The following PRKN variants were observed in gnomAD, a reference collection of about 807,000 sequenced individuals.
PRKN encodes parkin RBR E3 ubiquitin protein ligase, also known as E3 ubiquitin-protein ligase parkin.
In PRKN, 56 loss-of-function variants were observed where a neutral mutation model predicts 59.5. The ratio of observed to expected loss-of-function variants is 0.94; its 90% confidence interval spans 0.76 to 1.18. The LOEUF (loss-of-function observed/expected upper bound fraction) is 1.18, where lower values mean the gene tolerates loss of function less well. Ranked by LOEUF, PRKN falls within the 50% of genes most tolerant of loss-of-function variation. The pLI, the probability that PRKN is intolerant of heterozygous loss-of-function variation, is 0.00. For synonymous variants in PRKN, 250 were observed against 222.1 expected (o/e 1.13, Z -1.12); for missense variants, 657 against 596.4 (o/e 1.10, Z -1.06).
chr6:161,938,232 C>T (rs981067373), intron 6 of PRKN, among the ~76,000 whole-genome samples: 1 of 152,094 alleles, frequency 6.6e-6, no homozygotes, highest in African/African-American at 2.4e-5. Context: ...CAGGCTCCAG[C>T]GATACAGATG....
At chr6:161,940,744 G>A (rs576621132) in intron 6 of PRKN, among the ~76,000 whole-genome samples, 2 of 152,320 alleles carry the variant, frequency 1.3e-5, no homozygotes, top group East Asian at 1.9e-4. Context: ...AAATCAGAAT[G>A]TCTATGTGGC....
chr6:161,795,951 A>C (rs887523819), intron 6 of PRKN, among the ~76,000 whole-genome samples: 1 of 152,208 alleles, frequency 6.6e-6, no homozygotes, highest in African/African-American at 2.4e-5. Flanking sequence ...TTAAAGTCCC[A>C]AATTCTTCCA....
chr6:162,469,625 A>G (rs1397633364), intron 1 of PRKN, among the ~76,000 whole-genome samples: 2 of 152,148 alleles, frequency 1.3e-5, no homozygotes, highest in East Asian at 3.9e-4. Flanking sequence ...GAAGTAACTC[A>G]GGAATGGCAA....
rs188265455 is a variant in PRKN at position 161,376,369 on chromosome 6, C to T, written c.1167+10425G>A. 1.8e-4 allele frequency among the ~76,000 whole-genome samples: 27 copies of T among 152,328 alleles called. No homozygotes were observed. In the East Asian group the frequency reaches 4.2e-3, roughly 24 times the overall value. ...GATGTCCACAATGAATGTGTGTCTC[C>T]CCGAACAACCTGCTTTTGTTTCTGT... On this transcript the variant is annotated intron_variant, in intron 10 of 11. Coordinates refer to ENST00000366898, the MANE Select transcript of PRKN (RefSeq NM_004562.3). This position sits in a 1 kb window ranked among gnomAD's most constrained non-coding sequence, Gnocchi z 7.3.
At chr6:162,323,853 T>C (rs915757773) in intron 2 of PRKN, among the ~76,000 whole-genome samples, 2 of 152,164 alleles carry the variant, frequency 1.3e-5, no homozygotes. Context: ...ATTTTTACAA[T>C]TGAGACATAA....
Position 161,448,873 on chromosome 6 carries a change from C to T in PRKN, c.1084-61996G>A, listed in dbSNP as rs151184814. Among the ~76,000 whole-genome samples the T allele has an allele frequency of 3.1e-3, 472 of 152,242 alleles. 3 individuals carry two copies. The highest frequency in any genetic ancestry group is 5.4e-3 in the Non-Finnish European group (370 of 68,020). ...TGGCACTATTATTTTAAAATAAAAGCGTTCAAGGTAGAGGATGACTTTGGG... is the reference window on the plus strand; with the variant it reads ...TGGCACTATTATTTTAAAATAAAAGTGTTCAAGGTAGAGGATGACTTTGGG... On this transcript the variant is annotated intron_variant, in intron 9 of 11. Transcript: ENST00000366898. This position sits in a 1 kb window ranked among gnomAD's most constrained non-coding sequence, Gnocchi z 5.1.
rs539493883 is a variant in PRKN, at chr6:162,330,278, G to A, written c.172-67513C>T. Among the ~76,000 whole-genome samples, 9 of 152,128 alleles carry A rather than the reference G, an allele frequency of 5.9e-5. No homozygotes were observed. The South Asian group carries it at 1.9e-3, about 32-fold the overall frequency. On this transcript the variant is annotated intron_variant, in intron 2 of 11. Coordinates refer to ENST00000366898, the MANE Select transcript of PRKN (RefSeq NM_004562.3). ...TGCATTTTTTCTTGGTGCTGTCTTG[G>A]GAAGCGGCATAGTATGGTGGTATCT...
chr6:161,773,146 G>T (rs1789766039), intron 7 of PRKN, among the ~76,000 whole-genome samples: 1 of 152,172 alleles, frequency 6.6e-6, no homozygotes, highest in Admixed American at 6.5e-5. Context: ...CACATTGTGT[G>T]ATCCAGGTGG....
chr6:162,030,835 C>T (rs184725377), intron 5 of PRKN, among the ~76,000 whole-genome samples: 2 of 152,294 alleles, frequency 1.3e-5, no homozygotes, highest in Non-Finnish European at 2.9e-5. Flanking sequence ...ATTAACGAAA[C>T]ATCTCTATCA....
At chr6:161,779,444 T>TTTTTTTC (rs1790106894) in intron 7 of PRKN, among the ~76,000 whole-genome samples, 1 of 82,394 alleles carries the variant, frequency 1.2e-5, no homozygotes, top group Admixed American at 1.3e-4. Flanking sequence ...TCTTTTCTTT[T>TTTTTTTC]TTTTTTTTTT....
chr6:161,828,269 C>G lies in PRKN; in HGVS notation c.735-42361G>C, dbSNP rs117900828. Among the ~76,000 whole-genome samples, 1,319 of 152,310 alleles carry G rather than the reference C, an allele frequency of 8.7e-3. 11 individuals are homozygous for G. The highest frequency in any genetic ancestry group is 0.012 in the Non-Finnish European group (820 of 68,028). On this transcript the variant is annotated intron_variant, in intron 6 of 11. Coordinates refer to ENST00000366898, the MANE Select transcript of PRKN (RefSeq NM_004562.3). ...TAAAGCCTTACCAGTAACTATTTAG[C>G]TTAATAATTTCTTGTTTTTCTGGCA... is the stretch of plus-strand genomic sequence containing the variant.
At position 161,414,286 on chromosome 6, in the gene PRKN, G is replaced by C. The variant is rs62435936; in HGVS notation, c.1084-27409C>G. 0.082 allele frequency among the ~76,000 whole-genome samples: 12,537 copies of C among 152,156 alleles called. 595 individuals are homozygous for C. Among genetic ancestry groups the C allele is most frequent in the Admixed American group, 0.13 (1,940 of 15,288 alleles). On this transcript the variant is annotated intron_variant, in intron 9 of 11. Coordinates refer to ENST00000366898, the MANE Select transcript of PRKN (RefSeq NM_004562.3). The surrounding 1 kb of genome is among the most constrained non-coding windows in gnomAD (Gnocchi z 5.3). ...TCCGGAAGGCTGGAGGGTGTTCAGCGTTGTTTGTCACAGGCAGCGGCCAGT... is the reference window on the plus strand; with the variant it reads ...TCCGGAAGGCTGGAGGGTGTTCAGCCTTGTTTGTCACAGGCAGCGGCCAGT...
intron 6 of PRKN, among the ~76,000 whole-genome samples, chr6:161,926,675 C>T (rs1778981129): frequency 6.6e-6 from 1 of 152,142 alleles, no homozygotes; most frequent in Admixed American, 6.6e-5. Flanking sequence ...AATATATAAT[C>T]TAGTGAGTTT....
In PRKN at chr6:161,503,197, T is replaced by A. The variant is rs1583161563; in HGVS notation, c.1083+45657A>T. Among the ~76,000 whole-genome samples, 1 of 152,256 alleles carries A rather than the reference T, an allele frequency of 6.6e-6. No individual in the cohort carries two copies. Among genetic ancestry groups the A allele is most frequent in the Non-Finnish European group, 1.5e-5 (1 of 68,022 alleles). ...GGGATCTGGAAGGCCTGGGTGCTACTTGTAATACTAGATTGACTAAAAGGA... is the reference window on the plus strand; with the variant it reads ...GGGATCTGGAAGGCCTGGGTGCTACATGTAATACTAGATTGACTAAAAGGA... On this transcript the variant is annotated intron_variant, in intron 9 of 11. Transcript: ENST00000366898. The surrounding 1 kb of genome is among the most constrained non-coding windows in gnomAD (Gnocchi z 5.1).
chr6:162,165,182 T>C lies in PRKN; in HGVS notation c.534+35949A>G, dbSNP rs1393111828. Among the ~76,000 whole-genome samples, 12 of 148,982 alleles carry C rather than the reference T, an allele frequency of 8.1e-5. 2 individuals are homozygous for C. Among genetic ancestry groups the C allele is most frequent in the Admixed American group, 6.7e-4 (10 of 14,944 alleles). On this transcript the variant is annotated intron_variant, in intron 4 of 11. Transcript: ENST00000366898. ...CACACTATCATAAAATTTACATATG[T>C]TGGATCCTAAACCTAAATGTGAATG...
chr6:161,914,944 T>C (rs1778499965), intron 6 of PRKN, among the ~76,000 whole-genome samples: 1 of 152,096 alleles, frequency 6.6e-6, no homozygotes, highest in Non-Finnish European at 1.5e-5. Context: ...TGAATTTAGA[T>C]GGGAGAAAAG....
Position 162,106,257 on chromosome 6 carries a change from G to T in PRKN, c.535-52083C>A, listed in dbSNP as rs537801829. ...GAATGCCAAATTATTAGGTTTTCAAGGTGGGGGGTGAATGTGCATATTTTA... is the reference window on the plus strand; with the variant it reads ...GAATGCCAAATTATTAGGTTTTCAATGTGGGGGGTGAATGTGCATATTTTA... On this transcript the variant is annotated intron_variant, in intron 4 of 11. Coordinates refer to ENST00000366898, the MANE Select transcript of PRKN (RefSeq NM_004562.3). Among the ~76,000 whole-genome samples, 21 of 152,320 alleles carry T rather than the reference G, an allele frequency of 1.4e-4. No individual in the cohort carries two copies. In the South Asian group the frequency reaches 3.5e-3, roughly 26 times the overall value.
intron 5 of PRKN, among the ~76,000 whole-genome samples, chr6:162,049,295 T>TA (rs1431135859): frequency 2.6e-5 from 4 of 151,836 alleles, no homozygotes; most frequent in African/African-American, 7.2e-5. Context: ...ATATATAAAA[T>TA]AAATTATATA....
intron 2 of PRKN, among the ~76,000 whole-genome samples, chr6:162,320,720 T>C (rs1293046888): frequency 6.6e-6 from 1 of 151,782 alleles, no homozygotes; most frequent in Non-Finnish European, 1.5e-5. Flanking sequence ...GCCATTCCAC[T>C]CTTAGGTATT....
Sources: gnomAD v4.1 joint callset for allele counts (sites outside exome capture counted in the v4.1 genomes callset) on GRCh38, gnomAD v4.1.1 for gene constraint, Gnocchi (gnomAD v3.1) non-coding constraint, MANE v1.5 for transcripts, NCBI Gene and HGNC (gene_info 2026-07-23, HGNC 2026-07-21) for gene names.